DCHS2: variants seen among roughly 807,000 people sequenced by gnomAD.
DCHS2 encodes the protein protocadherin-23.
In DCHS2, 142 loss-of-function variants were observed where a neutral mutation model predicts 182.4. The observed-to-expected ratio is 0.78, with a 90% confidence interval of 0.68 to 0.89. DCHS2 has a LOEUF of 0.89. Among genes scored for constraint, DCHS2 ranks in the 40% least tolerant of loss-of-function variants. The probability of loss-of-function intolerance (pLI) is 0.00; values close to 1 mark genes in which losing one functional copy is unlikely to be tolerated. For synonymous variants in DCHS2, 1,740 were observed against 1,663.3 expected (o/e 1.05, Z -1.12); for missense variants, 4,319 against 4,198.6 (o/e 1.03, Z -0.79).
chr4:154,254,374 G>A (rs756819367), intron 16 of DCHS2, among the ~76,000 whole-genome samples: 5 of 152,144 alleles, frequency 3.3e-5, no homozygotes, highest in Admixed American at 6.5e-5. Flanking sequence ...AGTGGGTCTC[G>A]TTACTGCCTT....
chr4:154,391,323 G>T, intron 1 of DCHS2: 1 of 1,561,526 alleles, frequency 6.4e-7, no homozygotes, highest in Non-Finnish European at 8.7e-7. Context: ...CTATATGAGG[G>T]TAGCTTCAAC....
At chr4:154,290,243 A>G (rs1211096151) in intron 13 of DCHS2, among the ~76,000 whole-genome samples, 1 of 152,102 alleles carries the variant, frequency 6.6e-6, no homozygotes, top group Non-Finnish European at 1.5e-5. Context: ...CAAAGCAGTG[A>G]AAGACTTCTG....
intron 12 of DCHS2, among the ~76,000 whole-genome samples, chr4:154,302,982 T>G (rs77107166): frequency 2.9e-5 from 3 of 102,780 alleles, no homozygotes; most frequent in African/African-American, 9.9e-5. Flanking sequence ...CACACACACA[T>G]ATTTTTTTTT....
chr4:154,333,042 C>G lies in DCHS2; in HGVS notation c.3166G>C (p.Glu1056Gln). ...QRELTLTLRAEDQGVHPQAAL... is the reference protein window; with the variant it reads ...QRELTLTLRAQDQGVHPQAAL... ...GCCTGAGGATGCACGCCTTGGTCCT[C>G]GGCCCTGAGAGTCAGCGTGAGCTCC... Residue 1056 changes from glutamate (E) to glutamine (Q), a missense_variant, in exon 5 of 20, where the codon GAG becomes CAG. Transcript: ENST00000357232. 1 of 1,614,130 alleles carries G rather than the reference C, an allele frequency of 6.2e-7. No homozygotes were observed. The highest frequency in any genetic ancestry group is 8.5e-7 in the Non-Finnish European group (1 of 1,179,988).
At chr4:154,253,286 G>C (rs1732478944) in intron 16 of DCHS2, among the ~76,000 whole-genome samples, 1 of 152,044 alleles carries the variant, frequency 6.6e-6, no homozygotes, top group African/African-American at 2.4e-5. Flanking sequence ...TTCAAGCCTA[G>C]AGTTAAATTC....
chr4:154,316,334 G>A (rs531211157), intron 9 of DCHS2, among the ~76,000 whole-genome samples: 3 of 152,202 alleles, frequency 2.0e-5, no homozygotes, highest in Admixed American at 2.0e-4. Context: ...TCATCTTCAT[G>A]TCACATAACA....
chr4:154,462,040 T>A (rs1186144327), intron 1 of DCHS2, among the ~76,000 whole-genome samples: 1 of 152,168 alleles, frequency 6.6e-6, no homozygotes, highest in Non-Finnish European at 1.5e-5. Flanking sequence ...AGAAACCACC[T>A]GGCGGGAACA....
chr4:154,245,928 T>A (rs1235051204), intron 16 of DCHS2, among the ~76,000 whole-genome samples: 5 of 152,156 alleles, frequency 3.3e-5, no homozygotes, highest in Non-Finnish European at 5.9e-5. Context: ...TGTAGCTTCA[T>A]CAAAATGCAC....
intron 8 of DCHS2, 145 bp downstream of exon 8, chr4:154,322,186 T>A: frequency 1.7e-6 from 2 of 1,196,800 alleles, no homozygotes; most frequent in Non-Finnish European, 2.3e-6. Context: ...GTATGCTATG[T>A]GCAATGCTCT....
At chr4:154,368,317 C>T (rs946763693) in intron 2 of DCHS2, among the ~76,000 whole-genome samples, 1 of 152,122 alleles carries the variant, frequency 6.6e-6, no homozygotes, top group Non-Finnish European at 1.5e-5. Flanking sequence ...TTTCCTTTCC[C>T]CTTCCTCTTT....
At chr4:154,480,359 A>G (rs1051363005) in intron 1 of DCHS2, among the ~76,000 whole-genome samples, 2 of 152,254 alleles carry the variant, frequency 1.3e-5, no homozygotes, top group Non-Finnish European at 2.9e-5. Flanking sequence ...AATAATCTGA[A>G]CAAAAAAGCT....
intron 16 of DCHS2, among the ~76,000 whole-genome samples, chr4:154,254,814 G>A (rs984978012): frequency 1.3e-5 from 2 of 152,054 alleles, no homozygotes; most frequent in Non-Finnish European, 2.9e-5. Context: ...TCCAGTCTGG[G>A]CGACAGAATA....
In DCHS2 at chr4:154,234,564, A is replaced by C; in HGVS notation, c.10088T>G (p.Leu3363Arg). 1 of 1,612,540 alleles carries C rather than the reference A, an allele frequency of 6.2e-7. No homozygotes were observed. Among genetic ancestry groups the C allele is most frequent in the Non-Finnish European group, 8.5e-7 (1 of 1,179,172 alleles). ...GTHISGTCHELKAEDEVQI is the reference protein window; with the variant it reads ...GTHISGTCHERKAEDEVQI ...TATTTGAACTTCATCTTCTGCTTTA[A>C]GTTCATGGCATGTACCACTGATGTG... The change falls in exon 20 of 20, where the codon CTT becomes CGT. Residue 3363 changes from leucine to arginine, a missense_variant. Coordinates refer to ENST00000357232, the MANE Select transcript of DCHS2 (RefSeq NM_001358235.2).
At position 154,232,418 on chromosome 4, in the gene DCHS2, C is replaced by G. The variant is rs913706866; in HGVS notation, c.*2118G>C. On this transcript the variant is annotated 3_prime_UTR_variant, in exon 20 of 20. Transcript: ENST00000357232. ...TTGGTAAAAAAGCTCTATTACATGT[C>G]TTCTCTTGTTATGCAATGGCTAGAA... 2 of 152,106 alleles carry G rather than the reference C, an allele frequency of 1.3e-5. No homozygotes were observed. The highest frequency in any genetic ancestry group is 6.6e-5 in the Admixed American group (1 of 15,240). The allele number at this position is 152,106 out of a possible 1,614,324, so 9.4% of individuals were successfully genotyped here. A position where few individuals can be genotyped will look rare whatever the true frequency, so the allele number is the denominator to read the frequency against.
chr4:154,450,913 C>A (rs900597533), intron 1 of DCHS2, among the ~76,000 whole-genome samples: 2 of 152,128 alleles, frequency 1.3e-5, no homozygotes, highest in Non-Finnish European at 2.9e-5. Flanking sequence ...GTTGAGATAT[C>A]CCTTCTAAGG....
chr4:154,307,929 C>T (rs994925773), intron 10 of DCHS2, among the ~76,000 whole-genome samples: 10 of 152,120 alleles, frequency 6.6e-5, no homozygotes, highest in African/African-American at 2.2e-4. Flanking sequence ...TCAACTGTAC[C>T]CCTTACTCCC....
intron 1 of DCHS2, among the ~76,000 whole-genome samples, chr4:154,433,266 G>T (rs914944976): frequency 6.6e-6 from 1 of 152,112 alleles, no homozygotes; most frequent in Non-Finnish European, 1.5e-5. Flanking sequence ...GTCCCCAGAA[G>T]CTTGGAGGAA....
chr4:154,292,174 T>C (rs1734698677), intron 13 of DCHS2, among the ~76,000 whole-genome samples: 1 of 152,194 alleles, frequency 6.6e-6, no homozygotes, highest in South Asian at 2.1e-4. Flanking sequence ...CTTGTAAATT[T>C]TCCAGTGCTA....
chr4:154,333,031 G>C lies in DCHS2; in HGVS notation c.3177C>G (p.Gly1059=). 6.2e-7 allele frequency: 1 copy of C among 1,614,154 alleles called. No homozygotes were observed. Among genetic ancestry groups the C allele is most frequent in the Non-Finnish European group, 8.5e-7 (1 of 1,179,998 alleles). The change falls in exon 5 of 20, where the codon GGC becomes GGG. Residue 1059 remains glycine (G), a synonymous_variant. Coordinates refer to ENST00000357232, the MANE Select transcript of DCHS2 (RefSeq NM_001358235.2). ...CCAGCAGGGCTGCCTGAGGATGCAC[G>C]CCTTGGTCCTCGGCCCTGAGAGTCA... ...LTLTLRAEDQ[G]VHPQAALLVL... is the part of the protein sequence containing the mutation.
Sources: gnomAD v4.1 joint callset for allele counts (sites outside exome capture counted in the v4.1 genomes callset) on GRCh38, gnomAD v4.1.1 for gene constraint, MANE v1.5 for transcripts, NCBI Gene and HGNC (gene_info 2026-07-23, HGNC 2026-07-21) for gene names.